PCSK6: variants seen among roughly 807,000 people sequenced by gnomAD.
The protein encoded by PCSK6 is proprotein convertase subtilisin/kexin type 6, also known as paired basic amino acid cleaving enzyme 4.
In PCSK6, 85 loss-of-function variants were observed where a neutral mutation model predicts 123.3. That is an observed-to-expected ratio of 0.69 (90% CI 0.58 to 0.83). The LOEUF is 0.83. PCSK6 is among the 40% of genes least tolerant of loss of function. PCSK6 has a pLI of 0.00. For synonymous variants in PCSK6, 508 were observed against 516.0 expected, an observed-to-expected ratio of 0.98 and a Z score of 0.21; for missense variants, 1,191 against 1,282.3, an observed-to-expected ratio of 0.93 and a Z score of 1.09.
At chr15:101,374,586 G>A (rs1372560327) in intron 11 of PCSK6, among the ~76,000 whole-genome samples, 2 of 152,216 alleles carry the variant, frequency 1.3e-5, no homozygotes, top group Non-Finnish European at 2.9e-5. Flanking sequence ...AGAATCAGGA[G>A]CCAGCAGCAT....
intron 7 of PCSK6, among the ~76,000 whole-genome samples, chr15:101,395,297 A>G (rs1356858826): frequency 6.6e-6 from 1 of 152,194 alleles, no homozygotes; most frequent in Non-Finnish European, 1.5e-5. Flanking sequence ...TACAATGCAG[A>G]CTTGTGCCCC....
chr15:101,450,534 CTA>C (rs2057007778), intron 1 of PCSK6, among the ~76,000 whole-genome samples: 1 of 152,224 alleles, frequency 6.6e-6, no homozygotes, highest in Non-Finnish European at 1.5e-5. Context: ...AGGGCAGGAG[CTA>C]TGTTGTCTGT....
chr15:101,394,500 ACAGCTGGC>A (rs1567187814), intron 7 of PCSK6, among the ~76,000 whole-genome samples: 4 of 152,158 alleles, frequency 2.6e-5, no homozygotes. Context: ...CTGGTGGTGC[ACAGCTGGC>A]CCGAGAGAAG....
chr15:101,312,751 G>C (rs1416647922), intron 20 of PCSK6, among the ~76,000 whole-genome samples: 1 of 152,188 alleles, frequency 6.6e-6, no homozygotes, highest in Non-Finnish European at 1.5e-5. Context: ...AGAATGGTGT[G>C]AATCTGGGAG....
intron 18 of PCSK6, among the ~76,000 whole-genome samples, chr15:101,320,442 T>TG (rs1414271721): frequency 6.6e-6 from 1 of 152,168 alleles, no homozygotes; most frequent in Non-Finnish European, 1.5e-5. Context: ...GCTTGGTGTG[T>TG]GGGGAAAAAC....
In PCSK6 at chr15:101,304,936, G is replaced by A. The variant is rs1044979391; in HGVS notation, c.*322C>T. On this transcript the variant is annotated 3_prime_UTR_variant, in exon 22 of 22. Transcript: ENST00000611716. The stretch of plus-strand genomic sequence containing the variant: ...CCAAGCGCCTTTCTTTTCTGCTTTG[G>A]TCTTGAAGATTCAGTAAACTTATGG... 2.1e-5 allele frequency: 6 copies of A among 286,228 alleles called. No homozygotes were observed. Among genetic ancestry groups the A allele is most frequent in the East Asian group, 1.4e-4 (2 of 14,150 alleles). 17.7% of individuals were successfully genotyped at this position (286,228 alleles called of 1,614,324 possible).
In PCSK6 at chr15:101,464,871, C is replaced by G. The variant is rs569615974; in HGVS notation, c.298-21211G>C. On this transcript the variant is annotated intron_variant, in intron 1 of 21. Coordinates refer to ENST00000611716, the MANE Select transcript of PCSK6 (RefSeq NM_002570.5). Reference sequence around the variant, plus strand: ...AGGGATGCTCCCACAGCACCAGGTTCCCACTCTCCACGGGAACTGCGGGAT... The same window carrying G: ...AGGGATGCTCCCACAGCACCAGGTTGCCACTCTCCACGGGAACTGCGGGAT... Among the ~76,000 whole-genome samples the G allele has an allele frequency of 2.0e-5, 3 of 152,292 alleles. No individual in the cohort carries two copies. In the East Asian group the frequency reaches 5.8e-4, roughly 29 times the overall value.
intron 11 of PCSK6, among the ~76,000 whole-genome samples, chr15:101,373,676 A>T (rs1198479385): frequency 2.0e-5 from 3 of 152,246 alleles, no homozygotes; most frequent in African/African-American, 7.2e-5. Flanking sequence ...AAAATAAGGA[A>T]GCCATCTATC....
chr15:101,305,264 G>A lies in PCSK6; in HGVS notation c.2904C>T (p.Ala968=), dbSNP rs200151699. The part of the protein sequence containing the change: ...IQFCCRTCLL[A]G ...TGTGGGCAGCTAGGCACCCTTACCC[G>A]GCCAGGAGGCACGTGCGGCAGCAGA... The change falls in exon 22 of 22, where the codon GCC becomes GCT. Residue 968 remains alanine (A), a synonymous_variant. Coordinates refer to ENST00000611716, the MANE Select transcript of PCSK6 (RefSeq NM_002570.5). The surrounding 1 kb of genome is among the most constrained non-coding windows in gnomAD (Gnocchi z 4.8). 96 of 1,610,414 alleles carry A rather than the reference G, an allele frequency of 6.0e-5. No homozygotes were observed. The African/African-American group carries it at 7.2e-4, about 12-fold the overall frequency.
At chr15:101,334,254 C>T (rs1331852746) in intron 13 of PCSK6, 7 of 107,780 alleles carry the variant, frequency 6.5e-5, no homozygotes, top group African/African-American at 2.6e-4. Flanking sequence ...AAGTTGTTCT[C>T]ACCGCTGCAG....
intron 7 of PCSK6, among the ~76,000 whole-genome samples, chr15:101,393,912 T>C (rs1414648448): frequency 6.6e-6 from 1 of 152,196 alleles, no homozygotes; most frequent in Non-Finnish European, 1.5e-5. Flanking sequence ...AGAGGTACCC[T>C]TCTTGCAGAG....
intron 13 of PCSK6, among the ~76,000 whole-genome samples, chr15:101,355,954 T>C (rs1007462544): frequency 4.6e-5 from 7 of 152,074 alleles, no homozygotes; most frequent in Non-Finnish European, 8.8e-5. Context: ...CACAGCCCTA[T>C]CTTACAGGAG....
chr15:101,320,885 G>C (rs1047791272), intron 18 of PCSK6, among the ~76,000 whole-genome samples: 3 of 152,232 alleles, frequency 2.0e-5, no homozygotes, highest in South Asian at 2.1e-4. Flanking sequence ...CGTCAGTGAC[G>C]GAAGCACTGC....
chr15:101,464,126 G>A (rs565405718), intron 1 of PCSK6, among the ~76,000 whole-genome samples: 1 of 152,172 alleles, frequency 6.6e-6, no homozygotes, highest in East Asian at 1.9e-4. Flanking sequence ...GAGGAAACAG[G>A]CCTCCTCTGC....
intron 1 of PCSK6, among the ~76,000 whole-genome samples, chr15:101,462,253 G>A (rs1269242707): frequency 6.6e-6 from 1 of 152,148 alleles, no homozygotes. Context: ...TGTAAGTTGT[G>A]TATATAAGAA....
rs533754667 is a variant in PCSK6 at position 101,459,241 on chromosome 15, C to A, written c.298-15581G>T. Among the ~76,000 whole-genome samples the A allele has an allele frequency of 1.4e-4, 21 of 152,284 alleles. No homozygotes were observed. The South Asian group carries it at 3.3e-3, about 24-fold the overall frequency. On this transcript the variant is annotated intron_variant, in intron 1 of 21. Transcript: ENST00000611716. ...CCCTTGGCTTAGCTGAAAGCCCCTA[C>A]GTGCCTGCACAGGGAATCATGTGTG...
intron 20 of PCSK6, chr15:101,313,012 A>T (rs1011437679): frequency 4.6e-5 from 54 of 1,162,374 alleles, no homozygotes; most frequent in Admixed American, 2.4e-4. Context: ...CTCCAAAAAA[A>T]TTTTTTTTTA....
Position 101,313,395 on chromosome 15 carries a change from G to A in PCSK6, c.2680C>T (p.Pro894Ser). 6.2e-7 allele frequency: 1 copy of A among 1,612,764 alleles called. No individual in the cohort carries two copies. Among genetic ancestry groups the A allele is most frequent in the Non-Finnish European group, 8.5e-7 (1 of 1,179,862 alleles). ...CCGTACCTTCGACACACTTTGTGGGGCAAGCCCGGCATCTCTTCTGGGTAG... is the reference window on the plus strand; with the variant it reads ...CCGTACCTTCGACACACTTTGTGGGACAAGCCCGGCATCTCTTCTGGGTAG... The part of the protein sequence containing the change: ...GFYPEEMPGL[P>S]HKVCRRCDEN... The change falls in exon 20 of 22, where the codon CCC becomes TCC. Residue 894 changes from proline to serine, a missense_variant. Pro to Ser is a moderately conservative substitution (Grantham distance 74). Coordinates refer to ENST00000611716, the MANE Select transcript of PCSK6 (RefSeq NM_002570.5).
intron 17 of PCSK6, among the ~76,000 whole-genome samples, chr15:101,323,273 GC>G (rs2040172879): frequency 6.6e-6 from 1 of 152,236 alleles, no homozygotes; most frequent in Non-Finnish European, 1.5e-5. Context: ...TAAAGCAGGT[GC>G]TGAGTGAGGA....
Sources: allele counts gnomAD v4.1 joint callset (sites outside exome capture counted in the v4.1 genomes callset), GRCh38; gene constraint gnomAD v4.1.1; non-coding constraint Gnocchi (gnomAD v3.1); transcripts MANE v1.5; gene names NCBI Gene and HGNC (gene_info 2026-07-23, HGNC 2026-07-21).